Variants in SLC7A8 observed in about 807,000 individuals in gnomAD.
The protein encoded by SLC7A8 is large neutral amino acids transporter small subunit 2.
SLC7A8 carries 30 observed loss-of-function variants against 51.2 expected under a neutral mutation model. The observed-to-expected ratio is 0.59, with a 90% CI of 0.44 to 0.80. The LOEUF (loss-of-function observed/expected upper bound fraction) is 0.80. Among genes scored for constraint, SLC7A8 ranks in the 30% least tolerant of loss-of-function variants. The pLI, the probability that SLC7A8 is intolerant of heterozygous loss-of-function variation, is 0.00. For synonymous variants in SLC7A8, 257 were observed against 275.8 expected, an observed-to-expected ratio of 0.93 and a Z score of 0.67; for missense variants, 612 against 674.4, an observed-to-expected ratio of 0.91 and a Z score of 1.03.
At chr14:23,134,619 G>C (rs781497448) in intron 7 of SLC7A8, among the ~76,000 whole-genome samples, 1 of 151,442 alleles carries the variant, frequency 6.6e-6, no homozygotes, top group Non-Finnish European at 1.5e-5. Context: ...GTAGAGTGGC[G>C]TGATTATAGC....
At chr14:23,156,697 C>A (rs2048895177) in intron 3 of SLC7A8, among the ~76,000 whole-genome samples, 1 of 152,186 alleles carries the variant, frequency 6.6e-6, no homozygotes, top group Non-Finnish European at 1.5e-5. Flanking sequence ...AGAAAGTAGG[C>A]AAATCTCTAC....
At chr14:23,147,832 G>A (rs963867114) in intron 3 of SLC7A8, among the ~76,000 whole-genome samples, 2 of 152,200 alleles carry the variant, frequency 1.3e-5, no homozygotes, top group Non-Finnish European at 2.9e-5. Context: ...GCAGGAGGAG[G>A]AAAACTCAGA....
chr14:23,178,035 AT>A (rs1309406011), intron 1 of SLC7A8, among the ~76,000 whole-genome samples: 1 of 152,114 alleles, frequency 6.6e-6, no homozygotes, highest in Non-Finnish European at 1.5e-5. Flanking sequence ...TAGCTCCAAT[AT>A]TTTTTAGTTG....
intron 3 of SLC7A8, chr14:23,146,648 GAAGA>G (rs2048796497): frequency 2.0e-5 from 3 of 152,222 alleles, no homozygotes; most frequent in Admixed American, 2.0e-4. Context: ...TCAGAAACAA[GAAGA>G]AATTCTGAGA....
Position 23,128,529 on chromosome 14 carries a change from G to A in SLC7A8, c.1264-333C>T, listed in dbSNP as rs1224519113. Among the ~76,000 whole-genome samples, 1 of 152,242 alleles carries A rather than the reference G, an allele frequency of 6.6e-6. No individual in the cohort carries two copies. The highest frequency in any genetic ancestry group is 2.4e-5 in the African/African-American group (1 of 41,458). ...CCGTGGCAGCCAGAGAAGCCCACAG[G>A]GATGGAGAAGCTTGCTGGCACATGG... On this transcript the variant is annotated intron_variant, in intron 9 of 10. Transcript: ENST00000316902. The surrounding 1 kb of genome is among the most constrained non-coding windows in gnomAD (Gnocchi z 4.3).
At chr14:23,154,916 C>G (rs1268439171) in intron 3 of SLC7A8, among the ~76,000 whole-genome samples, 2 of 139,082 alleles carry the variant, frequency 1.4e-5, no homozygotes, top group Non-Finnish European at 3.0e-5. Flanking sequence ...CATAACTTGT[C>G]TGATAAAGTT....
intron 1 of SLC7A8, among the ~76,000 whole-genome samples, chr14:23,179,906 C>CTT (rs33938109): frequency 4.6e-5 from 6 of 131,128 alleles, no homozygotes; most frequent in Non-Finnish European, 4.8e-5. Context: ...CTCTTTTTGA[C>CTT]TTTTTTTTTT....
chr14:23,144,341 A>AATTTTTT (rs375223021), intron 3 of SLC7A8, among the ~76,000 whole-genome samples: 1 of 114,356 alleles, frequency 8.7e-6, no homozygotes. Flanking sequence ...TTTAAACACA[A>AATTTTTT]TTTTTTTTTT....
At chr14:23,138,809 G>C (rs1459179679) in intron 6 of SLC7A8, among the ~76,000 whole-genome samples, 1 of 152,214 alleles carries the variant, frequency 6.6e-6, no homozygotes, top group East Asian at 1.9e-4. Flanking sequence ...GGCTGCCCCA[G>C]GAGATGGGAG....
At position 23,127,098 on chromosome 14, in the gene SLC7A8, C is replaced by A; in HGVS notation, c.*79G>T. Reference sequence around the variant, plus strand: ...GCAGAGAGAGGGGTGTGTGTGTACTCGCATGTGTTGGCAGGACCAAGGCAG... The same window carrying A: ...GCAGAGAGAGGGGTGTGTGTGTACTAGCATGTGTTGGCAGGACCAAGGCAG... On this transcript the variant is annotated 3_prime_UTR_variant, in exon 11 of 11. Transcript: ENST00000316902. The A allele has an allele frequency of 6.5e-7, 1 of 1,541,908 alleles. No individual in the cohort carries two copies. The highest frequency in any genetic ancestry group is 8.9e-7 in the Non-Finnish European group (1 of 1,122,962).
chr14:23,139,056 TGAG>T (rs927907759), intron 6 of SLC7A8, among the ~76,000 whole-genome samples: 1 of 152,212 alleles, frequency 6.6e-6, no homozygotes, highest in African/African-American at 2.4e-5. Flanking sequence ...TATGTCTTTC[TGAG>T]GAGGGGCCTG....
At position 23,178,461 on chromosome 14, in the gene SLC7A8, G is replaced by A. The variant is rs144341131; in HGVS notation, c.151+4303C>T. Among the ~76,000 whole-genome samples the A allele has an allele frequency of 2.6e-5, 4 of 152,280 alleles. No homozygotes were observed. In the East Asian group the frequency reaches 7.7e-4, roughly 29 times the overall value. Reference sequence around the variant, plus strand: ...CTACTCCTAGCTTAAAGATTTTCAAGCCAGGTTCCCAGCAGCCCTGCAGAT... The same window carrying A: ...CTACTCCTAGCTTAAAGATTTTCAAACCAGGTTCCCAGCAGCCCTGCAGAT... On this transcript the variant is annotated intron_variant, in intron 1 of 10. Transcript: ENST00000316902.
intron 3 of SLC7A8, chr14:23,146,906 G>GCT (rs1167916959): frequency 6.6e-6 from 1 of 152,194 alleles, no homozygotes; most frequent in African/African-American, 2.4e-5. Context: ...CAGGAGCCCT[G>GCT]CTGCTGGCTA....
intron 3 of SLC7A8, among the ~76,000 whole-genome samples, chr14:23,159,099 A>G (rs1444441071): frequency 6.6e-6 from 1 of 152,138 alleles, no homozygotes; most frequent in Non-Finnish European, 1.5e-5. Flanking sequence ...TTGTATTGTA[A>G]TGATGTGTTT....
chr14:23,137,694 C>T (rs890859788), intron 7 of SLC7A8, among the ~76,000 whole-genome samples: 2 of 152,152 alleles, frequency 1.3e-5, no homozygotes, highest in African/African-American at 4.8e-5. Flanking sequence ...ATGTGAAGCA[C>T]CTAGGACCCG....
chr14:23,129,767 G>A lies in SLC7A8; in HGVS notation c.1146C>T (p.Ser382=), dbSNP rs17183863. The part of the protein sequence containing the change: ...CISTLLMLVT[S]DMYTLINYVG... ...CATAGTTGATGAGTGTGTACATGTC[G>A]CTGGTGACCAGCATCAGCAGGGTGG... Residue 382 remains serine, a synonymous_variant, in exon 9 of 11, where the codon AGC becomes AGT. Transcript: ENST00000316902. The A allele has an allele frequency of 0.074, 118,908 of 1,613,860 alleles. 4,859 individuals are homozygous for A. Among genetic ancestry groups the A allele is most frequent in the African/African-American group, 0.14 (10,393 of 74,966 alleles).
intron 3 of SLC7A8, among the ~76,000 whole-genome samples, chr14:23,164,547 G>A (rs954662667): frequency 2.1e-4 from 32 of 152,034 alleles, no homozygotes; most frequent in African/African-American, 7.3e-4. Context: ...AGTGCTTTGC[G>A]TAATGTCAAG....
intron 5 of SLC7A8, among the ~76,000 whole-genome samples, chr14:23,140,000 C>T (rs536233859): frequency 6.6e-6 from 1 of 152,126 alleles, no homozygotes; most frequent in Non-Finnish European, 1.5e-5. Context: ...GGGTGAGACC[C>T]TGTCTAAAAA....
At chr14:23,171,978 G>A (rs990245655) in intron 1 of SLC7A8, among the ~76,000 whole-genome samples, 1 of 152,218 alleles carries the variant, frequency 6.6e-6, no homozygotes, top group Non-Finnish European at 1.5e-5. Flanking sequence ...TTGAAAGCAT[G>A]AAAAGGGCAC....
Sources: gnomAD v4.1 joint callset for allele counts (sites outside exome capture counted in the v4.1 genomes callset) on GRCh38, gnomAD v4.1.1 for gene constraint, Gnocchi (gnomAD v3.1) non-coding constraint, MANE v1.5 for transcripts, NCBI Gene and HGNC (gene_info 2026-07-23, HGNC 2026-07-21) for gene names.